The following CD9 variants were observed in gnomAD, a reference collection of about 807,000 sequenced individuals.
CD9 encodes CD9 molecule.
A neutral mutation model predicts 31.4 loss-of-function variants in CD9; 10 were observed. The observed-to-expected ratio is 0.32, with a 90% CI of 0.20 to 0.54. The LOEUF (loss-of-function observed/expected upper bound fraction) is 0.54, where lower values mean the gene tolerates loss of function less well. CD9 is among the 20% of genes least tolerant of loss of function. The pLI, the probability that CD9 is intolerant of heterozygous loss-of-function variation, is 0.94. For synonymous variants in CD9, 113 were observed against 114.1 expected, an observed-to-expected ratio of 0.99 and a Z score of 0.06; for missense variants, 259 against 300.1, an observed-to-expected ratio of 0.86 and a Z score of 1.01.
chr12:6,210,571 GC>G (rs1014376877), intron 1 of CD9, among the ~76,000 whole-genome samples: 37 of 152,314 alleles, frequency 2.4e-4, no homozygotes, highest in African/African-American at 7.5e-4. Context: ...GGGAGGAGGC[GC>G]GTCTGCAAGC....
Position 6,237,980 on chromosome 12 carries a change from C to T in CD9, c.*152C>T. On this transcript the variant is annotated 3_prime_UTR_variant, in exon 8 of 8. Coordinates refer to ENST00000009180, the MANE Select transcript of CD9 (RefSeq NM_001769.4). ...CATTGCTAGATAAAAGCTGAAGTTA[C>T]TTTATGTTTGTCTTTTAATGCTTCA... The T allele has an allele frequency of 3.6e-6, 2 of 561,138 alleles. No individual in the cohort carries two copies. Among genetic ancestry groups the T allele is most frequent in the Non-Finnish European group, 6.4e-6 (2 of 311,228 alleles). 34.8% of individuals were successfully genotyped at this position (561,138 alleles called of 1,614,324 possible). A position where few individuals can be genotyped will look rare whatever the true frequency, so the allele number is the denominator to read the frequency against.
chr12:6,223,402 C>G (rs1032778189), intron 1 of CD9, among the ~76,000 whole-genome samples: 1 of 152,150 alleles, frequency 6.6e-6, no homozygotes, highest in Non-Finnish European at 1.5e-5. Context: ...GCTGGGACTA[C>G]AGGCGCCCGC....
At position 6,232,957 on chromosome 12, in the gene CD9, T is replaced by C; in HGVS notation, c.273+228T>C. Reference sequence around the variant, plus strand: ...CCTAGGCAACTAAAAGGACTATGTTTCCCCCTTTTCTCGAGGACCACGTTT... The same window carrying C: ...CCTAGGCAACTAAAAGGACTATGTTCCCCCCTTTTCTCGAGGACCACGTTT... On this transcript the variant is annotated intron_variant, in intron 3 of 7. Transcript: ENST00000009180. This position sits in a 1 kb window ranked among gnomAD's most constrained non-coding sequence, Gnocchi z 4.8. 2.8e-6 allele frequency: 2 copies of C among 702,478 alleles called. No individual in the cohort carries two copies. Among genetic ancestry groups the C allele is most frequent in the Non-Finnish European group, 5.2e-6 (2 of 384,872 alleles). 43.5% of individuals were successfully genotyped at this position (702,478 alleles called of 1,614,324 possible).
At chr12:6,221,789 A>C (rs1008375963) in intron 1 of CD9, among the ~76,000 whole-genome samples, 1 of 149,726 alleles carries the variant, frequency 6.7e-6, no homozygotes, top group Middle Eastern at 3.2e-3. Flanking sequence ...CAGCCTGAGC[A>C]ACATAGCGAG....
Position 6,237,936 on chromosome 12 carries a change from A to G in CD9, c.*108A>G, listed in dbSNP as rs554994361. On this transcript the variant is annotated 3_prime_UTR_variant, in exon 8 of 8. Coordinates refer to ENST00000009180, the MANE Select transcript of CD9 (RefSeq NM_001769.4). ...GTTTGTTGTTTGTTTTTTTGCCACT[A>G]ATTTTAGTATTCATTCTGCATTGCT... The G allele has an allele frequency of 1.3e-6, 1 of 790,530 alleles. No individual in the cohort carries two copies. Among genetic ancestry groups the G allele is most frequent in the East Asian group, 2.6e-5 (1 of 37,846 alleles). The allele number at this position is 790,530 out of a possible 1,614,324, so 49.0% of individuals were successfully genotyped here.
intron 1 of CD9, among the ~76,000 whole-genome samples, chr12:6,215,109 C>T (rs1045326097): frequency 6.6e-6 from 1 of 152,144 alleles, no homozygotes; most frequent in Admixed American, 6.5e-5. Context: ...AGCATTTGAG[C>T]CCCCAAATGC....
At chr12:6,226,308 GC>G (rs2136626613) in intron 2 of CD9, 1 of 152,304 alleles carries the variant, frequency 6.6e-6, no homozygotes, top group South Asian at 2.1e-4. Flanking sequence ...AAGTGCAGTT[GC>G]CCGCGTCTGC....
At chr12:6,217,475 G>A (rs1946254269) in intron 1 of CD9, among the ~76,000 whole-genome samples, 1 of 152,188 alleles carries the variant, frequency 6.6e-6, no homozygotes, top group East Asian at 1.9e-4. Context: ...AGGTTGCAGT[G>A]AGCCAAGATT....
chr12:6,221,006 G>A (rs760773475), intron 1 of CD9, among the ~76,000 whole-genome samples: 1 of 152,248 alleles, frequency 6.6e-6, no homozygotes, highest in Non-Finnish European at 1.5e-5. Flanking sequence ...GGCTGTGACA[G>A]TTTCTGTCTT....
In CD9 at chr12:6,207,807, T is replaced by C. The variant is rs116310792; in HGVS notation, c.66+7242T>C. On this transcript the variant is annotated intron_variant, in intron 1 of 7. Transcript: ENST00000009180. ...AGAGGAGGTCCCGGTAGAGAGAAGT[T>C]TGGGGACTACTGACTTGGAGAAAAA... Among the ~76,000 whole-genome samples the C allele has an allele frequency of 3.3e-3, 506 of 152,258 alleles. 2 individuals carry two copies. Among genetic ancestry groups the C allele is most frequent in the African/African-American group, 0.012 (485 of 41,556 alleles).
rs563262453 is a variant in CD9 at position 6,213,265 on chromosome 12, G to T, written c.67-12161G>T. ...CATTCATCCATATCTTCTCACTTCA[G>T]TTCATGAAACCACATCACACAAGAT... On this transcript the variant is annotated intron_variant, in intron 1 of 7. Transcript: ENST00000009180. Among the ~76,000 whole-genome samples, 64 of 152,312 alleles carry T rather than the reference G, an allele frequency of 4.2e-4. No homozygotes were observed. In the Middle Eastern group the frequency reaches 0.01, roughly 24 times the overall value.
At position 6,233,491 on chromosome 12, in the gene CD9, G is replaced by A. The variant is rs1159059391; in HGVS notation, c.348+5G>A. The stretch of plus-strand genomic sequence containing the variant: ...GGATATTCCCACAAGGATGAGGTAG[G>A]TTTTTCCCATGAGATCTCTTGGGTT... On this transcript the variant is annotated splice_donor_5th_base_variant and intron_variant, in intron 4 of 7. Coordinates refer to ENST00000009180, the MANE Select transcript of CD9 (RefSeq NM_001769.4). 1.9e-5 allele frequency: 30 copies of A among 1,610,150 alleles called. No homozygotes were observed. The highest frequency in any genetic ancestry group is 2.6e-5 in the Non-Finnish European group (30 of 1,176,378).
intron 1 of CD9, among the ~76,000 whole-genome samples, chr12:6,215,046 G>A (rs924834779): frequency 2.0e-5 from 3 of 151,984 alleles, no homozygotes; most frequent in African/African-American, 7.3e-5. Context: ...TCACAATGCC[G>A]CATTTCCAGG....
intron 2 of CD9, among the ~76,000 whole-genome samples, chr12:6,227,980 C>A (rs1262493616): frequency 1.3e-5 from 2 of 152,166 alleles, no homozygotes; most frequent in Non-Finnish European, 2.9e-5. Flanking sequence ...GGATTCAGAT[C>A]CTGCAGGTCA....
At chr12:6,210,664 TG>T (rs1946184780) in intron 1 of CD9, among the ~76,000 whole-genome samples, 1 of 151,648 alleles carries the variant, frequency 6.6e-6, no homozygotes, top group Admixed American at 6.6e-5. Flanking sequence ...TAGATATGAA[TG>T]GGGGGGAAAC....
rs200905051 is a variant in CD9 at position 6,216,886 on chromosome 12, TTTA to T, written c.67-8531_67-8529del. Reference sequence around the variant, plus strand: ...GTGTCACCTCACGTCTTTCTCAGGGTTTATTATTATTGTCATTTTTTTTCCCTA... The same window carrying T: ...GTGTCACCTCACGTCTTTCTCAGGGTTTATTATTGTCATTTTTTTTCCCTA... On this transcript the variant is annotated intron_variant, in intron 1 of 7. Transcript: ENST00000009180. Among the ~76,000 whole-genome samples, 1,047 of 152,072 alleles carry T rather than the reference TTTA, an allele frequency of 6.9e-3. 11 individuals are homozygous for T. The highest frequency in any genetic ancestry group is 0.024 in the African/African-American group (1,000 of 41,462).
chr12:6,206,527 A>C (rs182469813), intron 1 of CD9, among the ~76,000 whole-genome samples: 105 of 152,266 alleles, frequency 6.9e-4, no homozygotes, highest in Admixed American at 6.3e-3. Flanking sequence ...CCTGGCCTAC[A>C]TTTCTTAAAT....
At chr12:6,224,461 CAT>C (rs1300938990) in intron 1 of CD9, among the ~76,000 whole-genome samples, 2 of 152,140 alleles carry the variant, frequency 1.3e-5, no homozygotes, top group African/African-American at 4.8e-5. Context: ...CACTCACTGC[CAT>C]ATCGTAAGGG....
Position 6,237,921 on chromosome 12 carries a change from TG to T in CD9, c.*94del, listed in dbSNP as rs1479102670. 7.2e-6 allele frequency: 7 copies of T among 973,196 alleles called. No individual in the cohort carries two copies. Among genetic ancestry groups the T allele is most frequent in the Non-Finnish European group, 9.7e-6 (6 of 619,710 alleles). The allele number at this position is 973,196 out of a possible 1,614,324, so 60.3% of individuals were successfully genotyped here. The stretch of plus-strand genomic sequence containing the variant: ...TTTGTTTTGTTTGTTGTTTGTTGTT[TG>T]TTTTTTTGCCACTAATTTTAGTATT... On this transcript the variant is annotated 3_prime_UTR_variant, in exon 8 of 8. Coordinates refer to ENST00000009180, the MANE Select transcript of CD9 (RefSeq NM_001769.4).
Sources: gnomAD v4.1 joint callset for allele counts (sites outside exome capture counted in the v4.1 genomes callset) on GRCh38, gnomAD v4.1.1 for gene constraint, Gnocchi (gnomAD v3.1) non-coding constraint, MANE v1.5 for transcripts, NCBI Gene and HGNC (gene_info 2026-07-23, HGNC 2026-07-21) for gene names.